Variants in CERS6 observed in about 807,000 individuals in gnomAD.
CERS6 encodes the protein LAG1 homolog, ceramide synthase 6.
In CERS6, 26 loss-of-function variants were observed where a neutral mutation model predicts 56.8. The observed-to-expected ratio is 0.46, with a 90% CI of 0.34 to 0.63. CERS6 has a LOEUF of 0.63. Among genes scored for constraint, CERS6 ranks in the 30% least tolerant of loss-of-function variants. CERS6 has a pLI of 0.01. For missense variants in CERS6, 415 were observed against 467.5 expected, an observed-to-expected ratio of 0.89 and a Z score of 1.04; for synonymous variants, 164 against 173.3, an observed-to-expected ratio of 0.95 and a Z score of 0.42.
chr2:168,621,973 C>T (rs572419165), intron 3 of CERS6, among the ~76,000 whole-genome samples: 5 of 152,288 alleles, frequency 3.3e-5, no homozygotes, highest in Non-Finnish European at 7.4e-5. Flanking sequence ...AAGACGTAGT[C>T]ATTTAATACA....
At chr2:168,570,975 T>C (rs539551414) in intron 3 of CERS6, among the ~76,000 whole-genome samples, 12 of 152,310 alleles carry the variant, frequency 7.9e-5, no homozygotes, top group African/African-American at 2.9e-4. Context: ...TAAAGTTATT[T>C]AATATCTTAC....
rs1407042349 is a variant in CERS6 at position 168,523,779 on chromosome 2, T to C, written c.171-23817T>C. Among the ~76,000 whole-genome samples, 4 of 152,240 alleles carry C rather than the reference T, an allele frequency of 2.6e-5. No individual in the cohort carries two copies. In the East Asian group the frequency reaches 5.8e-4, roughly 22 times the overall value. ...CACTGACATTTTCAATAGGTGTAGA[T>C]GGACAGGCAGTGGCCTTTAGACCTC... is the stretch of plus-strand genomic sequence containing the variant. On this transcript the variant is annotated intron_variant, in intron 1 of 9. Coordinates refer to ENST00000305747, the MANE Select transcript of CERS6 (RefSeq NM_203463.3).
intron 1 of CERS6, among the ~76,000 whole-genome samples, chr2:168,479,477 T>A (rs1256403148): frequency 6.6e-6 from 1 of 152,224 alleles, no homozygotes; most frequent in African/African-American, 2.4e-5. Flanking sequence ...CTTTCTATCT[T>A]TTGGGAAGGG....
At chr2:168,616,198 A>T (rs1222893617) in intron 3 of CERS6, among the ~76,000 whole-genome samples, 1 of 152,204 alleles carries the variant, frequency 6.6e-6, no homozygotes, top group Non-Finnish European at 1.5e-5. Flanking sequence ...CCAAGCCAGC[A>T]CTTCAGGAAC....
At chr2:168,730,987 A>G (rs73030405) in intron 8 of CERS6, among the ~76,000 whole-genome samples, 2,691 of 152,324 alleles carry the variant, frequency 0.018, 94 homozygotes, top group African/African-American at 0.06. Flanking sequence ...GATTCTGCAT[A>G]CATTCCATAT....
chr2:168,646,907 A>T (rs1685218558), intron 4 of CERS6, among the ~76,000 whole-genome samples: 2 of 152,162 alleles, frequency 1.3e-5, no homozygotes, highest in South Asian at 4.1e-4. Context: ...TTTTTGTACC[A>T]GTGCCAGGAT....
At chr2:168,554,328 C>T (rs1239190483) in intron 2 of CERS6, among the ~76,000 whole-genome samples, 1 of 152,114 alleles carries the variant, frequency 6.6e-6, no homozygotes, top group Non-Finnish European at 1.5e-5. Context: ...TTATTTTCTT[C>T]CCCAAAATGT....
chr2:168,495,889 A>T (rs1694458273), intron 1 of CERS6, among the ~76,000 whole-genome samples: 1 of 152,228 alleles, frequency 6.6e-6, no homozygotes, highest in South Asian at 2.1e-4. Context: ...TTCAACAGGT[A>T]CAAAAAGGTA....
At chr2:168,509,637 A>G (rs999533593) in intron 1 of CERS6, among the ~76,000 whole-genome samples, 2 of 152,200 alleles carry the variant, frequency 1.3e-5, no homozygotes, top group Non-Finnish European at 2.9e-5. Flanking sequence ...TGTGGTCTAT[A>G]TATTCTAAAT....
chr2:168,534,885 T>G (rs1008953554), intron 1 of CERS6, among the ~76,000 whole-genome samples: 1 of 152,186 alleles, frequency 6.6e-6, no homozygotes, highest in African/African-American at 2.4e-5. Context: ...ACTAGGAGAT[T>G]AGGTCCAAGG....
chr2:168,531,078 T>C (rs1695158144), intron 1 of CERS6, among the ~76,000 whole-genome samples: 1 of 152,012 alleles, frequency 6.6e-6, no homozygotes, highest in Admixed American at 6.6e-5. Context: ...AAGAAAAAGA[T>C]GGATGAGGAA....
At chr2:168,706,764 C>T (rs1466623811) in intron 6 of CERS6, among the ~76,000 whole-genome samples, 1 of 152,232 alleles carries the variant, frequency 6.6e-6, no homozygotes, top group African/African-American at 2.4e-5. Flanking sequence ...GCCATTGCCA[C>T]ATCTTAGATA....
chr2:168,547,761 C>A, intron 2 of CERS6, 60 bp downstream of exon 2: 1 of 1,173,322 alleles, frequency 8.5e-7, no homozygotes, highest in Non-Finnish European at 1.3e-6. Context: ...AGCCTGCTGT[C>A]ATTCAATTTG....
chr2:168,527,647 G>A (rs1391377362), intron 1 of CERS6, among the ~76,000 whole-genome samples: 1 of 152,192 alleles, frequency 6.6e-6, no homozygotes, highest in Non-Finnish European at 1.5e-5. Flanking sequence ...CTCTGGAGTG[G>A]AGGAATGCCG....
intron 3 of CERS6, among the ~76,000 whole-genome samples, chr2:168,581,261 C>T (rs532079218): frequency 4.2e-4 from 64 of 152,266 alleles, no homozygotes; most frequent in African/African-American, 1.5e-3. Flanking sequence ...TGTAGTGATC[C>T]ACCTGCTTTG....
chr2:168,657,638 C>A (rs963569234), intron 4 of CERS6, among the ~76,000 whole-genome samples: 20 of 152,228 alleles, frequency 1.3e-4, no homozygotes, highest in Non-Finnish European at 5.9e-5. Context: ...TGTGGACCGG[C>A]ACTGCTGGGG....
intron 8 of CERS6, among the ~76,000 whole-genome samples, chr2:168,720,230 CA>C (rs966486052): frequency 6.6e-6 from 1 of 151,862 alleles, no homozygotes; most frequent in Admixed American, 6.6e-5. Flanking sequence ...GTGCCTGGCC[CA>C]AAATACTATT....
chr2:168,472,002 G>A (rs1693986598), intron 1 of CERS6, among the ~76,000 whole-genome samples: 1 of 152,120 alleles, frequency 6.6e-6, no homozygotes, highest in Admixed American at 6.6e-5. Context: ...GAGTGCAGAC[G>A]CTGATTGACC....
intron 9 of CERS6, chr2:168,766,455 C>T (rs1026331688): frequency 1.0e-6 from 1 of 973,034 alleles, no homozygotes; most frequent in Non-Finnish European, 1.6e-6. Context: ...AACCTATTGG[C>T]ACTGTCTAGA....
Sources: allele counts gnomAD v4.1 joint callset (sites outside exome capture counted in the v4.1 genomes callset), GRCh38; gene constraint gnomAD v4.1.1; transcripts MANE v1.5; gene names NCBI Gene and HGNC (gene_info 2026-07-23, HGNC 2026-07-21).